Variants in FGD4 observed in about 807,000 individuals in gnomAD.
FGD4 encodes the protein FYVE, RhoGEF and PH domain-containing protein 4.
A neutral mutation model predicts 102.0 loss-of-function variants in FGD4; 42 were observed. That is an observed-to-expected ratio of 0.41 (90% CI 0.32 to 0.53). The LOEUF (loss-of-function observed/expected upper bound fraction) is 0.53. Among genes scored for constraint, FGD4 ranks in the 20% least tolerant of loss-of-function variants. FGD4 has a pLI of 0.21. For synonymous variants in FGD4, 380 were observed against 375.7 expected (o/e 1.01, Z -0.13); for missense variants, 902 against 1,078.2 (o/e 0.84, Z 2.29).
chr12:32,605,896 G>A (rs1948749566), intron 7 of FGD4, among the ~76,000 whole-genome samples: 1 of 151,732 alleles, frequency 6.6e-6, no homozygotes, highest in South Asian at 2.1e-4. Flanking sequence ...TGGCGATGGT[G>A]GTGATAGTGG....
intron 1 of FGD4, among the ~76,000 whole-genome samples, chr12:32,422,143 C>G (rs1226018883): frequency 8.8e-6 from 1 of 113,346 alleles, no homozygotes; most frequent in Non-Finnish European, 1.8e-5. Context: ...GACTCTGTCT[C>G]AAAAAAAAAA....
intron 1 of FGD4, among the ~76,000 whole-genome samples, chr12:32,409,908 G>A (rs916889379): frequency 4.6e-5 from 7 of 151,104 alleles, no homozygotes; most frequent in African/African-American, 1.7e-4. Context: ...GCTCACATCT[G>A]TAAAACCAGC....
In FGD4 at chr12:32,598,821, A is replaced by C. The variant is rs563812764; in HGVS notation, c.1101+235A>C. The stretch of plus-strand genomic sequence containing the variant: ...TCTCTATGAATCACAAAATGTGTTT[A>C]TCAAGTGTCCTATAAACTTAAACAC... On this transcript the variant is annotated intron_variant, in intron 5 of 16. Transcript: ENST00000534526. 2.6e-5 allele frequency among the ~76,000 whole-genome samples: 4 copies of C among 152,348 alleles called. No homozygotes were observed. In the East Asian group the frequency reaches 7.7e-4, roughly 29 times the overall value.
chr12:32,418,597 T>G (rs1941512236), intron 1 of FGD4, among the ~76,000 whole-genome samples: 1 of 152,162 alleles, frequency 6.6e-6, no homozygotes, highest in Non-Finnish European at 1.5e-5. Flanking sequence ...CACCTGGACC[T>G]TGGGGGGTGG....
At chr12:32,481,075 C>T (rs144650099) in intron 1 of FGD4, among the ~76,000 whole-genome samples, 2 of 129,066 alleles carry the variant, frequency 1.5e-5, no homozygotes, top group African/African-American at 6.0e-5. Flanking sequence ...TTGCGGTGAG[C>T]TGAGATAGTG....
At chr12:32,421,325 G>T (rs1429277555) in intron 1 of FGD4, among the ~76,000 whole-genome samples, 1 of 152,194 alleles carries the variant, frequency 6.6e-6, no homozygotes, top group Non-Finnish European at 1.5e-5. Context: ...TTGTGCTGGG[G>T]TGTATTAGAG....
At chr12:32,462,845 G>A (rs1370750537) in intron 1 of FGD4, among the ~76,000 whole-genome samples, 6 of 152,148 alleles carry the variant, frequency 3.9e-5, no homozygotes, top group Non-Finnish European at 8.8e-5. Context: ...TTGTGCCATT[G>A]CCGTAATATA....
At chr12:32,411,864 G>C (rs2136397207) in intron 1 of FGD4, among the ~76,000 whole-genome samples, 1 of 151,484 alleles carries the variant, frequency 6.6e-6, no homozygotes, top group Non-Finnish European at 1.5e-5. Flanking sequence ...AGTCCCGGCT[G>C]CTCGGGAGGC....
At chr12:32,451,050 C>T (rs915936563) in intron 1 of FGD4, among the ~76,000 whole-genome samples, 2 of 152,192 alleles carry the variant, frequency 1.3e-5, no homozygotes, top group African/African-American at 4.8e-5. Context: ...AAGTGTGACA[C>T]ATCTACAAGG....
At chr12:32,605,454 T>C (rs1307414544) in intron 7 of FGD4, among the ~76,000 whole-genome samples, 3 of 152,204 alleles carry the variant, frequency 2.0e-5, no homozygotes, top group Admixed American at 2.0e-4. Flanking sequence ...GTTTGCCTTC[T>C]ACATTCTTCT....
intron 10 of FGD4, among the ~76,000 whole-genome samples, chr12:32,615,304 T>TA (rs1949381458): frequency 6.6e-6 from 1 of 152,190 alleles, no homozygotes; most frequent in African/African-American, 2.4e-5. Flanking sequence ...GGTGGTTCCC[T>TA]AAGACTAGCA....
At chr12:32,608,806 T>G (rs1313343553) in intron 8 of FGD4, among the ~76,000 whole-genome samples, 1 of 152,224 alleles carries the variant, frequency 6.6e-6, no homozygotes, top group African/African-American at 2.4e-5. Flanking sequence ...TACTTTCCCT[T>G]GTAATTTCTT....
intron 1 of FGD4, among the ~76,000 whole-genome samples, chr12:32,517,387 T>G (rs1018245880): frequency 3.9e-5 from 6 of 152,280 alleles, no homozygotes; most frequent in Middle Eastern, 3.4e-3. Flanking sequence ...TTAAAGCCAT[T>G]TTTTTCTGGT....
intron 1 of FGD4, among the ~76,000 whole-genome samples, chr12:32,440,013 C>T (rs968595932): frequency 6.6e-6 from 1 of 151,874 alleles, no homozygotes; most frequent in Non-Finnish European, 1.5e-5. Context: ...ATTTCAATCT[C>T]CGTTAAATTT....
At chr12:32,432,091 G>A (rs1323503100) in intron 1 of FGD4, among the ~76,000 whole-genome samples, 20 of 128,834 alleles carry the variant, frequency 1.6e-4, no homozygotes, top group Admixed American at 6.7e-4. Flanking sequence ...ACAGAGTCTC[G>A]CTCTGTTGCC....
At chr12:32,412,454 A>T (rs1941245128) in intron 1 of FGD4, among the ~76,000 whole-genome samples, 1 of 152,068 alleles carries the variant, frequency 6.6e-6, no homozygotes. Flanking sequence ...TGGGGTGGAA[A>T]TTCCTTGCGC....
At chr12:32,631,045 G>GT (rs1397735091) in intron 14 of FGD4, among the ~76,000 whole-genome samples, 2 of 151,986 alleles carry the variant, frequency 1.3e-5, no homozygotes, top group Non-Finnish European at 2.9e-5. Flanking sequence ...TGGTTTTTGT[G>GT]TTTCTTTGAT....
chr12:32,526,686 C>T (rs1941255830), intron 1 of FGD4, among the ~76,000 whole-genome samples: 1 of 152,200 alleles, frequency 6.6e-6, no homozygotes, highest in South Asian at 2.1e-4. Context: ...TGCGATAAAT[C>T]TTGCTGCTGC....
At chr12:32,434,262 C>T (rs963464951) in intron 1 of FGD4, among the ~76,000 whole-genome samples, 1 of 152,156 alleles carries the variant, frequency 6.6e-6, no homozygotes, top group Non-Finnish European at 1.5e-5. Flanking sequence ...TGTTCTAAAA[C>T]TTTGTCGCTG....
Sources: gnomAD v4.1 joint callset for allele counts (sites outside exome capture counted in the v4.1 genomes callset) on GRCh38, gnomAD v4.1.1 for gene constraint, MANE v1.5 for transcripts, NCBI Gene and HGNC (gene_info 2026-07-23, HGNC 2026-07-21) for gene names.